CLMN: variants seen among roughly 807,000 people sequenced by gnomAD.
CLMN encodes calmin, also known as calmin (calponin-like, transmembrane).
Under a neutral mutation model 92.7 loss-of-function variants are expected in CLMN, and 57 were observed. The observed-to-expected ratio is 0.61, with a 90% CI of 0.50 to 0.77. The LOEUF (loss-of-function observed/expected upper bound fraction) is 0.77. CLMN is among the 30% of genes least tolerant of loss of function. The pLI is 0.00. For missense variants in CLMN, 1,158 were observed against 1,237.5 expected (o/e 0.94, Z 0.96); for synonymous variants, 466 against 470.6 (o/e 0.99, Z 0.13).
intron 1 of CLMN, among the ~76,000 whole-genome samples, chr14:95,300,027 C>T (rs112792326): frequency 3.3e-5 from 5 of 152,222 alleles, no homozygotes; most frequent in Admixed American, 3.3e-4. Flanking sequence ...AATTTCACCC[C>T]AACATAGAGA....
At chr14:95,227,658 C>A (rs1363844246) in intron 2 of CLMN, among the ~76,000 whole-genome samples, 1 of 152,184 alleles carries the variant, frequency 6.6e-6, no homozygotes, top group Non-Finnish European at 1.5e-5. Context: ...GTCCATCCTG[C>A]GAGATGGCAG....
rs368662048 is a variant in CLMN, at chr14:95,184,418, G to A, written c.*7146C>T. On this transcript the variant is annotated 3_prime_UTR_variant, in exon 13 of 13. Coordinates refer to ENST00000298912, the MANE Select transcript of CLMN (RefSeq NM_024734.4). Reference sequence around the variant, plus strand: ...AGGGATTTAAACAAATTAGCAGTGCGATTGAGGCCGTGGATTGTTGAGGCA... The same window carrying A: ...AGGGATTTAAACAAATTAGCAGTGCAATTGAGGCCGTGGATTGTTGAGGCA... 6.6e-6 allele frequency: 1 copy of A among 152,242 alleles called. No homozygotes were observed. The highest frequency in any genetic ancestry group is 2.4e-5 in the African/African-American group (1 of 41,460). 9.4% of individuals were successfully genotyped at this position (152,242 alleles called of 1,614,324 possible).
At chr14:95,228,474 G>A (rs1255788584) in intron 2 of CLMN, among the ~76,000 whole-genome samples, 1 of 152,320 alleles carries the variant, frequency 6.6e-6, no homozygotes, top group Middle Eastern at 3.4e-3. Flanking sequence ...TACACGTCAG[G>A]AGTGGAGGTG....
intron 5 of CLMN, among the ~76,000 whole-genome samples, chr14:95,215,422 A>G (rs964655494): frequency 4.6e-5 from 7 of 152,358 alleles, no homozygotes; most frequent in East Asian, 3.9e-4. Flanking sequence ...CCAAGAGGAT[A>G]GATATTCTCT....
Position 95,210,718 on chromosome 14 carries a change from G to C in CLMN, c.770C>G (p.Ala257Gly). 1.2e-6 allele frequency: 2 copies of C among 1,608,694 alleles called. No individual in the cohort carries two copies. The highest frequency in any genetic ancestry group is 2.2e-5 in the South Asian group (2 of 90,642). The change falls in exon 7 of 13, where the codon GCC becomes GGC. Residue 257 changes from alanine (A) to glycine (G), a missense_variant. By Grantham distance (60) the Ala-to-Gly change is moderately conservative. Transcript: ENST00000298912. ...LEKAFSIAQD[A>G]LHIPRLLEPE... ...CTCCAGGAGCCTGGGGATGTGCAGG[G>C]CATCCTGTGCGATGCTGAAAGCCTT... is the stretch of plus-strand genomic sequence containing the variant.
Position 95,210,734 on chromosome 14 carries a change from T to G in CLMN, c.754A>C (p.Ser252Arg). 1.2e-6 allele frequency: 2 copies of G among 1,610,720 alleles called. No individual in the cohort carries two copies. ...STRENLEKAFSIAQDALHIPR... is the reference protein window; with the variant it reads ...STRENLEKAFRIAQDALHIPR... The stretch of plus-strand genomic sequence containing the variant: ...ATGTGCAGGGCATCCTGTGCGATGC[T>G]GAAAGCCTTCTCTAGATTTTCTCGT... Residue 252 changes from serine (S) to arginine (R), a missense_variant, in exon 7 of 13, where the codon AGC (serine) becomes CGC (arginine). Transcript: ENST00000298912.
At chr14:95,241,327 C>G (rs1898236466) in intron 1 of CLMN, among the ~76,000 whole-genome samples, 1 of 152,130 alleles carries the variant, frequency 6.6e-6, no homozygotes, top group Non-Finnish European at 1.5e-5. Flanking sequence ...CTAGGTAAAC[C>G]AGGACAAGTG....
chr14:95,236,469 A>G (rs1274292175), intron 1 of CLMN, among the ~76,000 whole-genome samples: 1 of 152,230 alleles, frequency 6.6e-6, no homozygotes, highest in African/African-American at 2.4e-5. Context: ...GACATCCCGC[A>G]ATGCCTGGAG....
In CLMN at chr14:95,183,433, C is replaced by CA. The variant is rs1362175750; in HGVS notation, c.*8130dup. 1 of 152,082 alleles carries CA rather than the reference C, an allele frequency of 6.6e-6. No homozygotes were observed. The highest frequency in any genetic ancestry group is 2.4e-5 in the African/African-American group (1 of 41,424). The allele number at this position is 152,082 out of a possible 1,614,324, so 9.4% of individuals were successfully genotyped here. On this transcript the variant is annotated 3_prime_UTR_variant, in exon 13 of 13. Transcript: ENST00000298912. ...TGCTATTTTGTTTTTTGTAACAATG[C>CA]AAAAATCACTACTTTTAAGCTTAAA...
intron 1 of CLMN, among the ~76,000 whole-genome samples, chr14:95,314,452 A>G (rs1282272091): frequency 2.0e-5 from 3 of 152,102 alleles, no homozygotes; most frequent in Admixed American, 2.0e-4. Flanking sequence ...TGGAAGGCAG[A>G]CGGCTTTAGG....
At chr14:95,277,679 G>C (rs150651146) in intron 1 of CLMN, among the ~76,000 whole-genome samples, 2,397 of 152,286 alleles carry the variant, frequency 0.016, 26 homozygotes, top group Non-Finnish European at 0.023. Flanking sequence ...CCAGGCCAGA[G>C]TGCAGTGGCA....
In CLMN at chr14:95,196,684, G is replaced by A. The variant is rs200925126; in HGVS notation, c.2522C>T (p.Ser841Phe). ...DPMDSHQSQE[S>F]PNLENIANPL... ...GTTTGCTATGTTTTCCAGGTTTGGG[G>A]ATTCCTGGGACTGAAAGACAGAACA... The change falls in exon 10 of 13, where the codon TCC (serine) becomes TTC (phenylalanine). Residue 841 changes from serine (S) to phenylalanine (F), a missense_variant. Coordinates refer to ENST00000298912, the MANE Select transcript of CLMN (RefSeq NM_024734.4). The A allele has an allele frequency of 4.2e-5, 68 of 1,612,416 alleles. 1 individual carries two copies. The highest frequency in any genetic ancestry group is 5.3e-5 in the Non-Finnish European group (62 of 1,179,504).
chr14:95,288,089 G>T (rs915503281), intron 1 of CLMN, among the ~76,000 whole-genome samples: 1 of 152,210 alleles, frequency 6.6e-6, no homozygotes, highest in African/African-American at 2.4e-5. Context: ...CCACAGCATA[G>T]TGGGGCCTGG....
At chr14:95,266,208 AT>A (rs1205954139) in intron 1 of CLMN, among the ~76,000 whole-genome samples, 1 of 152,242 alleles carries the variant, frequency 6.6e-6, no homozygotes, top group Non-Finnish European at 1.5e-5. Context: ...AGCTAGAGCA[AT>A]TAGGCAAAAG....
chr14:95,315,068 C>T (rs1901704234), intron 1 of CLMN, among the ~76,000 whole-genome samples: 2 of 152,022 alleles, frequency 1.3e-5, no homozygotes. Context: ...CATCCCACTG[C>T]TGTGTGCTCC....
At chr14:95,279,063 T>G (rs1447184122) in intron 1 of CLMN, among the ~76,000 whole-genome samples, 1 of 152,196 alleles carries the variant, frequency 6.6e-6, no homozygotes, top group East Asian at 1.9e-4. Flanking sequence ...CTGCATGTAT[T>G]TATATGTGTT....
chr14:95,190,093 G>A lies in CLMN; in HGVS notation c.*1471C>T, dbSNP rs1896526302. The A allele has an allele frequency of 6.6e-6, 1 of 152,328 alleles. No homozygotes were observed. The highest frequency in any genetic ancestry group is 1.9e-4 in the East Asian group (1 of 5,186). The allele number at this position is 152,328 out of a possible 1,614,324, so 9.4% of individuals were successfully genotyped here. A position where few individuals can be genotyped will look rare whatever the true frequency, so the allele number is the denominator to read the frequency against. ...TGTCAAGGGTATTTCAGAAGGAATT[G>A]GGGATGAGCTTGAAGGTGAGTAAGA... On this transcript the variant is annotated 3_prime_UTR_variant, in exon 13 of 13. Coordinates refer to ENST00000298912, the MANE Select transcript of CLMN (RefSeq NM_024734.4).
At position 95,256,935 on chromosome 14, in the gene CLMN, A is replaced by C. The variant is rs1202268240; in HGVS notation, c.83-26802T>G. 6.6e-6 allele frequency among the ~76,000 whole-genome samples: 1 copy of C among 152,180 alleles called. No homozygotes were observed. Among genetic ancestry groups the C allele is most frequent in the Non-Finnish European group, 1.5e-5 (1 of 68,030 alleles). ...GGCATTCTCCATGTTGGGAACAGCAAGGGCAAAGGCTGGGTGGCATCTAAT... is the reference window on the plus strand; with the variant it reads ...GGCATTCTCCATGTTGGGAACAGCACGGGCAAAGGCTGGGTGGCATCTAAT... On this transcript the variant is annotated intron_variant, in intron 1 of 12. Coordinates refer to ENST00000298912, the MANE Select transcript of CLMN (RefSeq NM_024734.4). The surrounding 1 kb of genome is among the most constrained non-coding windows in gnomAD (Gnocchi z 4.9).
At position 95,200,629 on chromosome 14, in the gene CLMN, G is replaced by A. The variant is rs142748401; in HGVS notation, c.2511+2209C>T. 1.1e-3 allele frequency among the ~76,000 whole-genome samples: 171 copies of A among 152,270 alleles called. 3 individuals are homozygous for A. In the East Asian group the frequency reaches 0.024, roughly 21 times the overall value. On this transcript the variant is annotated intron_variant, in intron 9 of 12. Coordinates refer to ENST00000298912, the MANE Select transcript of CLMN (RefSeq NM_024734.4). ...GAGGAGCCTCCCCATCAGGCCAGCC[G>A]CCCAGGCACCCCCCTTCACTGATCA...
Sources: gnomAD v4.1 joint callset for allele counts (sites outside exome capture counted in the v4.1 genomes callset) on GRCh38, gnomAD v4.1.1 for gene constraint, Gnocchi (gnomAD v3.1) non-coding constraint, MANE v1.5 for transcripts, NCBI Gene and HGNC (gene_info 2026-07-23, HGNC 2026-07-21) for gene names.